ZBTB10: variants seen among roughly 807,000 people sequenced by gnomAD.
ZBTB10 encodes the protein zinc finger and BTB domain containing 10.
A neutral mutation model predicts 76.4 loss-of-function variants in ZBTB10; 32 were observed. The ratio of observed to expected loss-of-function variants is 0.42; its 90% CI spans 0.32 to 0.56. ZBTB10 has a LOEUF of 0.56. Among genes scored for constraint, ZBTB10 ranks in the 20% least tolerant of loss-of-function variants. The probability of loss-of-function intolerance (pLI) is 0.14; values close to 1 mark genes in which losing one functional copy is unlikely to be tolerated. For synonymous variants in ZBTB10, 523 were observed against 432.9 expected, an observed-to-expected ratio of 1.21 and a Z score of -2.58; for missense variants, 1,057 against 1,098.5, an observed-to-expected ratio of 0.96 and a Z score of 0.53.
chr8:80,486,030 G>A (rs1393399930), upstream of ZBTB10: 24 of 954,328 alleles, frequency 2.5e-5, no homozygotes, highest in Middle Eastern at 1.0e-3. Context: ...CCCCTCGGCC[G>A]ACTTCCTTCC....
intron 2 of ZBTB10, 32 bp downstream of exon 2, chr8:80,500,414 G>C: frequency 1.4e-6 from 2 of 1,467,226 alleles, no homozygotes; most frequent in South Asian, 2.9e-5. Flanking sequence ...ATACTTCCTT[G>C]TTCATCCTAA....
Position 80,486,882 on chromosome 8 carries a change from C to T in ZBTB10, c.72C>T (p.Gly24=), listed in dbSNP as rs1446055416. 2 of 1,513,074 alleles carry T rather than the reference C, an allele frequency of 1.3e-6. No individual in the cohort carries two copies. Among genetic ancestry groups the T allele is most frequent in the Non-Finnish European group, 8.8e-7 (1 of 1,132,984 alleles). The allele number at this position is 1,513,074 out of a possible 1,614,324, so 93.7% of individuals were successfully genotyped here. A position where few individuals can be genotyped will look rare whatever the true frequency, so the allele number is the denominator to read the frequency against. The change falls in exon 1 of 6, where the codon GGC becomes GGT. Residue 24 remains glycine, a synonymous_variant. Transcript: ENST00000455036. The stretch of plus-strand genomic sequence containing the variant: ...GCGGGTTGGTCACCGCTAGCGGCGG[C>T]GGCTCCACGAACAATAACGCTGGCG... ...RGGGLVTASG[G]GSTNNNAGGE...
Position 80,524,773 on chromosome 8 carries a change from T to G in ZBTB10, c.*5245T>G, listed in dbSNP as rs1376483662. 6.6e-6 allele frequency: 1 copy of G among 152,086 alleles called. No individual in the cohort carries two copies. The highest frequency in any genetic ancestry group is 1.5e-5 in the Non-Finnish European group (1 of 67,958). The allele number at this position is 152,086 out of a possible 1,614,324, so 9.4% of individuals were successfully genotyped here. On this transcript the variant is annotated 3_prime_UTR_variant, in exon 6 of 6. Coordinates refer to ENST00000455036, the MANE Select transcript of ZBTB10 (RefSeq NM_001105539.3). Reference sequence around the variant, plus strand: ...AGGGGTCATGATTGGGACCATTGGCTCAAGATTGAAAATCGGTTTTTAATT... The same window carrying G: ...AGGGGTCATGATTGGGACCATTGGCGCAAGATTGAAAATCGGTTTTTAATT...
At chr8:80,498,235 T>C (rs555482300) in intron 1 of ZBTB10, among the ~76,000 whole-genome samples, 1 of 152,382 alleles carries the variant, frequency 6.6e-6, no homozygotes, top group African/African-American at 2.4e-5. Flanking sequence ...CCACTAACTC[T>C]CTTCTAAGCA....
At chr8:80,507,620 A>C (rs372366978) in intron 2 of ZBTB10, among the ~76,000 whole-genome samples, 2 of 152,074 alleles carry the variant, frequency 1.3e-5, no homozygotes, top group Admixed American at 6.5e-5. Flanking sequence ...TCTCAAAAAA[A>C]AAATCTCCCT....
intron 2 of ZBTB10, among the ~76,000 whole-genome samples, chr8:80,503,895 A>G (rs757484241): frequency 1.4e-4 from 21 of 152,206 alleles, no homozygotes; most frequent in Non-Finnish European, 2.5e-4. Context: ...TTAGACGTTT[A>G]AAGAGTCCTG....
At position 80,486,657 on chromosome 8, in the gene ZBTB10, G is replaced by C. The variant is rs1386970607; in HGVS notation, c.-154G>C. ...GCAGACCCGGGAGCGAGCGCGAGCC[G>C]GGCTGCCGGGCGAGAGGGCGAGGCC... is the stretch of plus-strand genomic sequence containing the variant. On this transcript the variant is annotated 5_prime_UTR_variant, in exon 1 of 6. Transcript: ENST00000455036. 2 of 988,922 alleles carry C rather than the reference G, an allele frequency of 2.0e-6. No homozygotes were observed. The highest frequency in any genetic ancestry group is 5.2e-4 in the Middle Eastern group (1 of 1,922). 61.3% of individuals were successfully genotyped at this position (988,922 alleles called of 1,614,324 possible).
rs1816458320 is a variant in ZBTB10 at position 80,521,992 on chromosome 8, G to A, written c.*2464G>A. On this transcript the variant is annotated 3_prime_UTR_variant, in exon 6 of 6. Transcript: ENST00000455036. ...AGTGTTTATACTCTTGAATATATTA[G>A]CCTCAGCCTATATAAAAATTTCTTT... 1 of 151,660 alleles carries A rather than the reference G, an allele frequency of 6.6e-6. No individual in the cohort carries two copies. Among genetic ancestry groups the A allele is most frequent in the African/African-American group, 2.4e-5 (1 of 41,334 alleles). 9.4% of individuals were successfully genotyped at this position (151,660 alleles called of 1,614,324 possible).
Position 80,486,868 on chromosome 8 carries a change from A to T in ZBTB10, c.58A>T (p.Thr20Ser). The T allele has an allele frequency of 1.3e-6, 2 of 1,509,574 alleles. No individual in the cohort carries two copies. Among genetic ancestry groups the T allele is most frequent in the Non-Finnish European group, 8.8e-7 (1 of 1,131,328 alleles). 93.5% of individuals were successfully genotyped at this position (1,509,574 alleles called of 1,614,324 possible). Reference sequence around the variant, plus strand: ...GGCGTTCCGAGGAGGCGGGTTGGTCACCGCTAGCGGCGGCGGCTCCACGAA... The same window carrying T: ...GGCGTTCCGAGGAGGCGGGTTGGTCTCCGCTAGCGGCGGCGGCTCCACGAA... Reference protein sequence around the residue: ...TLAFRGGGLVTASGGGSTNNN... With the variant: ...TLAFRGGGLVSASGGGSTNNN... Residue 20 changes from threonine to serine, a missense_variant, in exon 1 of 6, where the codon ACC becomes TCC. By Grantham distance (58) the Thr-to-Ser change is moderately conservative (BLOSUM62 1). Transcript: ENST00000455036.
In ZBTB10 at chr8:80,488,367, A is replaced by T. The variant is rs149627546; in HGVS notation, c.972+585A>T. ...ATTCCTTGCTCTTGTGAATAATTTT[A>T]CTAAATTAATCTCTGTTGAACTTTC... On this transcript the variant is annotated intron_variant, in intron 1 of 5. Coordinates refer to ENST00000455036, the MANE Select transcript of ZBTB10 (RefSeq NM_001105539.3). Among the ~76,000 whole-genome samples, 225 of 152,348 alleles carry T rather than the reference A, an allele frequency of 1.5e-3. 1 individual carries two copies. The highest frequency in any genetic ancestry group is 4.9e-3 in the African/African-American group (204 of 41,590).
At chr8:80,491,718 T>C (rs2131473762) in intron 1 of ZBTB10, among the ~76,000 whole-genome samples, 1 of 152,330 alleles carries the variant, frequency 6.6e-6, no homozygotes, top group South Asian at 2.1e-4. Context: ...GCTCATTCAG[T>C]ATCTGACCAT....
In ZBTB10 at chr8:80,500,104, T is replaced by C. The variant is rs1413214838; in HGVS notation, c.1583T>C (p.Ile528Thr). The change falls in exon 2 of 6, where the codon ATA becomes ACA. Residue 528 changes from isoleucine (I) to threonine (T), a missense_variant. Physicochemically the swap from Ile to Thr is moderately conservative, Grantham distance 89 (BLOSUM62 -1). Around this residue, in one of 5 missense-constraint regions of ZBTB10, gnomAD observed 306 missense variants for 297.5 expected, o/e 1.03. Transcript: ENST00000455036. ...NDGCNVDEGQ[I>T]ENYQMNDSSW... ...GGTTGTAATGTCGACGAGGGCCAAA[T>C]AGAAAACTACCAAATGAATGACAGT... 1 of 1,613,876 alleles carries C rather than the reference T, an allele frequency of 6.2e-7. No homozygotes were observed. The highest frequency in any genetic ancestry group is 8.5e-7 in the Non-Finnish European group (1 of 1,179,856).
chr8:80,495,646 G>A (rs1197552834), intron 1 of ZBTB10, among the ~76,000 whole-genome samples: 2 of 152,054 alleles, frequency 1.3e-5, no homozygotes, highest in Admixed American at 6.6e-5. Context: ...GCTTCCTAGT[G>A]TAGACCCTGG....
At chr8:80,510,112 T>G (rs1308425763) in intron 2 of ZBTB10, among the ~76,000 whole-genome samples, 1 of 152,178 alleles carries the variant, frequency 6.6e-6, no homozygotes, top group Non-Finnish European at 1.5e-5. Context: ...ATCCTTAAGA[T>G]TTTGGAGAAT....
rs567881700 is a variant in ZBTB10, at chr8:80,515,249, A to G, written c.1960+1241A>G. On this transcript the variant is annotated intron_variant, in intron 3 of 5. Coordinates refer to ENST00000455036, the MANE Select transcript of ZBTB10 (RefSeq NM_001105539.3). ...GTATGTGTGTACATAAAAACTTGAC[A>G]AAACTAGTATTTGTTGAAGATAGAT... Among the ~76,000 whole-genome samples the G allele has an allele frequency of 1.2e-4, 18 of 152,326 alleles. No homozygotes were observed. The South Asian group carries it at 2.1e-3, about 18-fold the overall frequency.
chr8:80,496,308 A>G (rs1054230245), intron 1 of ZBTB10, among the ~76,000 whole-genome samples: 3 of 151,192 alleles, frequency 2.0e-5, no homozygotes, highest in Admixed American at 6.6e-5. Flanking sequence ...CTCCTTAGAG[A>G]GTACACATAC....
In ZBTB10 at chr8:80,499,282, C is replaced by A. The variant is rs184453818; in HGVS notation, c.973-212C>A. Among the ~76,000 whole-genome samples the A allele has an allele frequency of 6.0e-4, 92 of 152,116 alleles. 1 individual carries two copies. Among genetic ancestry groups the A allele is most frequent in the African/African-American group, 2.1e-3 (89 of 41,496 alleles). Reference sequence around the variant, plus strand: ...GATGAATGTTATTTTTAAAATGAAACCCTGCTGATCTTCAGTCAGATGTGT... The same window carrying A: ...GATGAATGTTATTTTTAAAATGAAAACCTGCTGATCTTCAGTCAGATGTGT... On this transcript the variant is annotated intron_variant, in intron 1 of 5. Coordinates refer to ENST00000455036, the MANE Select transcript of ZBTB10 (RefSeq NM_001105539.3).
chr8:80,518,334 T>A, intron 3 of ZBTB10, 69 bp from the exon 4 acceptor site: 1 of 1,388,778 alleles, frequency 7.2e-7, no homozygotes, highest in Non-Finnish European at 9.6e-7. Context: ...ATATAATTTC[T>A]GTTTTCTGAC....
intron 2 of ZBTB10, among the ~76,000 whole-genome samples, chr8:80,503,132 A>G (rs1585849834): frequency 6.6e-6 from 1 of 152,060 alleles, no homozygotes; most frequent in African/African-American, 2.4e-5. Flanking sequence ...TGTGCCACCT[A>G]CCCCCTGTAG....
Sources: allele counts gnomAD v4.1 joint callset (sites outside exome capture counted in the v4.1 genomes callset), GRCh38; gene constraint gnomAD v4.1.1; regional missense constraint gnomAD v4.1.1; transcripts MANE v1.5; gene names NCBI Gene and HGNC (gene_info 2026-07-23, HGNC 2026-07-21).